Variants in STK31 observed in about 807,000 individuals in gnomAD.
STK31 encodes serine/threonine kinase 31.
A neutral mutation model predicts 129.7 loss-of-function variants in STK31; 89 were observed. The ratio of observed to expected loss-of-function variants is 0.69; its 90% confidence interval spans 0.58 to 0.82. STK31 has a LOEUF of 0.82. STK31 is among the 40% of genes least tolerant of loss of function. STK31 has a pLI of 0.00. For synonymous variants in STK31, 448 were observed against 395.3 expected (o/e 1.13, Z -1.58); for missense variants, 1,187 against 1,176.4 (o/e 1.01, Z -0.13).
chr7:23,773,027 A>G (rs1446714676), intron 15 of STK31, among the ~76,000 whole-genome samples: 2 of 151,906 alleles, frequency 1.3e-5, no homozygotes, highest in Admixed American at 6.6e-5. Flanking sequence ...TTTTAGTCTG[A>G]TTTTTCAACT....
chr7:23,781,297 T>C (rs753547104), intron 15 of STK31, 122 bp from the exon 16 acceptor site: 1 of 635,612 alleles, frequency 1.6e-6, no homozygotes, highest in Admixed American at 3.4e-5. Flanking sequence ...GGGTCTTTTA[T>C]GTGCTAGGTA....
In STK31 at chr7:23,710,351, TGTG is replaced by T; in HGVS notation, c.50+19_50+21del. On this transcript the variant is annotated intron_variant, in intron 1 of 23. Coordinates refer to ENST00000355870, the MANE Select transcript of STK31 (RefSeq NM_031414.5). ...AAAGTGTGAGGTCAGTAGTAGTTTT[TGTG>T]GTACGTGCAGTGGTGGCCGCTTCAA... The T allele has an allele frequency of 6.2e-7, 1 of 1,613,472 alleles. No homozygotes were observed. The highest frequency in any genetic ancestry group is 8.5e-7 in the Non-Finnish European group (1 of 1,179,922).
chr7:23,811,896 T>G (rs1230189837), intron 22 of STK31, among the ~76,000 whole-genome samples: 1 of 152,236 alleles, frequency 6.6e-6, no homozygotes, highest in Non-Finnish European at 1.5e-5. Flanking sequence ...GAGGTTCCTT[T>G]ATTCTCCCCA....
At chr7:23,825,925 A>G (rs1244932176) in intron 23 of STK31, among the ~76,000 whole-genome samples, 2 of 152,010 alleles carry the variant, frequency 1.3e-5, no homozygotes, top group Non-Finnish European at 2.9e-5. Context: ...GAGTTTCTTA[A>G]TCCTGAGTTC....
chr7:23,809,066 T>C (rs1792920384), intron 22 of STK31, among the ~76,000 whole-genome samples: 2 of 151,878 alleles, frequency 1.3e-5, no homozygotes, highest in Admixed American at 6.6e-5. Flanking sequence ...CTCACCATTA[T>C]ATTGTTCCTC....
chr7:23,793,294 A>G (rs1223434234), intron 22 of STK31, among the ~76,000 whole-genome samples: 1 of 152,230 alleles, frequency 6.6e-6, no homozygotes, highest in African/African-American at 2.4e-5. Context: ...TCTAAAACTT[A>G]TAGAAGAAAA....
At chr7:23,796,425 C>T (rs1791958251) in intron 22 of STK31, among the ~76,000 whole-genome samples, 1 of 151,808 alleles carries the variant, frequency 6.6e-6, no homozygotes, top group South Asian at 2.1e-4. Context: ...TTTTATTCCA[C>T]CTATTTCCTT....
At chr7:23,811,252 A>T in intron 22 of STK31, 1 of 347,120 alleles carries the variant, frequency 2.9e-6, no homozygotes, top group Non-Finnish European at 5.5e-6. Flanking sequence ...TGTTTTCACC[A>T]GTAAAGGACT....
chr7:23,832,415 G>A lies in STK31; in HGVS notation c.*49G>A. On this transcript the variant is annotated 3_prime_UTR_variant, in exon 24 of 24. Transcript: ENST00000355870. ...GGTTCTTTTTAAAAACTTTGGTTTG[G>A]TTAATACACAGAAATATCTAGAAAT... is the stretch of plus-strand genomic sequence containing the variant. The A allele has an allele frequency of 8.5e-6, 10 of 1,176,252 alleles. No individual in the cohort carries two copies. Among genetic ancestry groups the A allele is most frequent in the Non-Finnish European group, 1.2e-5 (10 of 822,652 alleles). 72.9% of individuals were successfully genotyped at this position (1,176,252 alleles called of 1,614,324 possible). A position where few individuals can be genotyped will look rare whatever the true frequency, so the allele number is the denominator to read the frequency against.
chr7:23,802,542 C>A (rs1447930648), intron 22 of STK31, among the ~76,000 whole-genome samples: 2 of 152,144 alleles, frequency 1.3e-5, no homozygotes, highest in African/African-American at 4.8e-5. Context: ...AAGACGCAGT[C>A]TCACTCTGTC....
At chr7:23,830,573 A>C (rs1794480779) in intron 23 of STK31, among the ~76,000 whole-genome samples, 1 of 142,972 alleles carries the variant, frequency 7.0e-6, no homozygotes. Context: ...ATTCAGCAGC[A>C]CGTTGTTTAA....
intron 22 of STK31, 73 bp from the exon 23 acceptor site, chr7:23,815,071 T>A: frequency 3.7e-6 from 4 of 1,083,988 alleles, no homozygotes; most frequent in Non-Finnish European, 5.2e-6. Context: ...GATCTGAAGT[T>A]CCAGAGTTGA....
intron 3 of STK31, among the ~76,000 whole-genome samples, chr7:23,715,446 T>A (rs1584314525): frequency 8.9e-6 from 1 of 112,686 alleles, no homozygotes. Flanking sequence ...TAAGACCTTG[T>A]CGCTACAAAA....
Position 23,772,237 on chromosome 7 carries a change from C to G in STK31, c.1924C>G (p.Leu642Val). 2 of 1,608,756 alleles carry G rather than the reference C, an allele frequency of 1.2e-6. No individual in the cohort carries two copies. Among genetic ancestry groups the G allele is most frequent in the Admixed American group, 1.7e-5 (1 of 58,794 alleles). The stretch of plus-strand genomic sequence containing the variant: ...GAAGACATTGAAAAGCTTAAAAGCT[C>G]TACTCAGATGGAAATTGGTTGAAAA... ...IKKTLKSLKALLRWKLVEKSN... is the reference protein window; with the variant it reads ...IKKTLKSLKAVLRWKLVEKSN... Residue 642 changes from leucine (L) to valine (V), a missense_variant, in exon 15 of 24, where the codon CTA (leucine) becomes GTA (valine). Around this residue, in one of 5 missense-constraint regions of STK31, gnomAD observed 975 missense variants for 934.9 expected, o/e 1.04. Transcript: ENST00000355870.
intron 22 of STK31, among the ~76,000 whole-genome samples, chr7:23,794,407 G>A (rs1791826417): frequency 1.3e-5 from 2 of 152,226 alleles, no homozygotes; most frequent in South Asian, 2.1e-4. Context: ...TGAACTGTGA[G>A]TCAATTAAAC....
chr7:23,796,244 G>A (rs1791944781), intron 22 of STK31, among the ~76,000 whole-genome samples: 1 of 152,132 alleles, frequency 6.6e-6, no homozygotes, highest in Non-Finnish European at 1.5e-5. Flanking sequence ...TATATTTAAA[G>A]TTGTCTGGTT....
chr7:23,733,068 TATATTG>T (rs1787523543), intron 6 of STK31, among the ~76,000 whole-genome samples: 1 of 152,126 alleles, frequency 6.6e-6, no homozygotes, highest in Admixed American at 6.5e-5. Flanking sequence ...ATTGATATAA[TATATTG>T]AATTCTTGGT....
chr7:23,757,901 G>A (rs1340858799), intron 10 of STK31, among the ~76,000 whole-genome samples: 4 of 152,292 alleles, frequency 2.6e-5, no homozygotes, highest in Admixed American at 1.3e-4. Context: ...TTTTGTGTCC[G>A]TGGGTACTTG....
At chr7:23,808,658 C>G (rs897360878) in intron 22 of STK31, among the ~76,000 whole-genome samples, 19 of 152,040 alleles carry the variant, frequency 1.2e-4, no homozygotes, top group African/African-American at 4.6e-4. Flanking sequence ...TGTCTTCTGC[C>G]TCTGTTGATG....
Sources: gnomAD v4.1 joint callset for allele counts (sites outside exome capture counted in the v4.1 genomes callset) on GRCh38, gnomAD v4.1.1 for gene constraint, gnomAD v4.1.1 regional missense constraint, MANE v1.5 for transcripts, NCBI Gene and HGNC (gene_info 2026-07-23, HGNC 2026-07-21) for gene names.